ARID1B: variants seen among roughly 807,000 people sequenced by gnomAD.
ARID1B encodes the protein AT-rich interaction domain 1B, also known as AT-rich interactive domain-containing protein 1B.
Under a neutral mutation model 212.3 loss-of-function variants are expected in ARID1B, and 30 were observed. The observed-to-expected ratio is 0.14, with a 90% CI of 0.11 to 0.19. The LOEUF is 0.19. Among genes scored for constraint, ARID1B ranks in the 10% least tolerant of loss-of-function variants. ARID1B has a pLI of 1.00. For missense variants in ARID1B, 2,891 were observed against 3,204.0 expected (o/e 0.90, Z 2.36); for synonymous variants, 1,402 against 1,301.7 (o/e 1.08, Z -1.66).
intron 4 of ARID1B, among the ~76,000 whole-genome samples, chr6:157,039,706 C>CTTCCT (rs1781673352): frequency 1.6e-5 from 1 of 61,482 alleles, no homozygotes; most frequent in Non-Finnish European, 2.7e-5. Flanking sequence ...TCTTTCTTTC[C>CTTCCT]TTTCTTTCCT....
At chr6:156,926,451 T>C (rs1201060467) in intron 3 of ARID1B, among the ~76,000 whole-genome samples, 3 of 152,104 alleles carry the variant, frequency 2.0e-5, no homozygotes, top group Non-Finnish European at 4.4e-5. Context: ...GGAGGCATAG[T>C]TTTTCAGATG....
chr6:157,199,444 C>A (rs1793951644), intron 17 of ARID1B, among the ~76,000 whole-genome samples: 2 of 152,000 alleles, frequency 1.3e-5, no homozygotes, highest in Non-Finnish European at 2.9e-5. Flanking sequence ...GCAGGATCTC[C>A]CCCTTACAGT....
intron 2 of ARID1B, among the ~76,000 whole-genome samples, chr6:156,858,551 A>G (rs537568278): frequency 1.3e-5 from 2 of 152,240 alleles, no homozygotes; most frequent in South Asian, 4.1e-4. Flanking sequence ...AGATCACTTG[A>G]GGTCAGGAGT....
At chr6:157,118,146 T>G (rs1379844328) in intron 6 of ARID1B, among the ~76,000 whole-genome samples, 1 of 152,246 alleles carries the variant, frequency 6.6e-6, no homozygotes, top group Non-Finnish European at 1.5e-5. Flanking sequence ...TTGACCTAAT[T>G]CCTTAATATT....
At chr6:156,791,237 A>C (rs1779987298) in intron 1 of ARID1B, among the ~76,000 whole-genome samples, 1 of 152,256 alleles carries the variant, frequency 6.6e-6, no homozygotes, top group African/African-American at 2.4e-5. Flanking sequence ...TATTTTATGA[A>C]GAGGAAGGTG....
In ARID1B at chr6:157,148,925, G is replaced by A; in HGVS notation, c.3063G>A (p.Gln1021=). 1.9e-6 allele frequency: 3 copies of A among 1,612,434 alleles called. No individual in the cohort carries two copies. The highest frequency in any genetic ancestry group is 1.7e-6 in the Non-Finnish European group (2 of 1,179,670). Residue 1021 remains glutamine (Q), a synonymous_variant, in exon 8 of 20, where the codon CAG becomes CAA. Coordinates refer to ENST00000636930, the MANE Select transcript of ARID1B (RefSeq NM_001374828.1). The surrounding 1 kb of genome is among the most constrained non-coding windows in gnomAD (Gnocchi z 5.6). ...AGGAGGCAGCCGCAGCAGTGATGCA[G>A]GCTGCTGCGAACTCAGCACAAAGCA... is the stretch of plus-strand genomic sequence containing the variant. The part of the protein sequence containing the change: ...KAQEAAAAVM[Q]AAANSAQSRQ...
intron 4 of ARID1B, among the ~76,000 whole-genome samples, chr6:156,973,173 A>C (rs1777034394): frequency 6.6e-6 from 1 of 152,256 alleles, no homozygotes; most frequent in South Asian, 2.1e-4. Flanking sequence ...TAATTAAGGG[A>C]CTGAATTGTA....
intron 8 of ARID1B, among the ~76,000 whole-genome samples, chr6:157,164,428 CT>C (rs1328497765): frequency 1.3e-5 from 2 of 152,152 alleles, no homozygotes; most frequent in Admixed American, 6.5e-5. Flanking sequence ...AGTCATTTGC[CT>C]GGTGGATTTT....
Position 157,206,426 on chromosome 6 carries a change from G to T in ARID1B, c.5654G>T (p.Ser1885Ile). 6.2e-7 allele frequency: 1 copy of T among 1,614,176 alleles called. No homozygotes were observed. Among genetic ancestry groups the T allele is most frequent in the Non-Finnish European group, 8.5e-7 (1 of 1,180,028 alleles). The change falls in exon 20 of 20, where the codon AGC becomes ATC. Residue 1885 changes from serine (S) to isoleucine (I), a missense_variant. By Grantham distance (142) the Ser-to-Ile change is moderately radical. This residue lies in a region of ARID1B where 332 missense variants were observed against 369.2 expected (regional missense o/e 0.90). Coordinates refer to ENST00000636930, the MANE Select transcript of ARID1B (RefSeq NM_001374828.1). The surrounding 1 kb of genome is among the most constrained non-coding windows in gnomAD (Gnocchi z 6.8). ...SEKTESDEKS[S>I]IALTAPDAAA... ...AAGACAGAAAGCGATGAAAAGAGCA[G>T]CATCGCTCTGACTGCCCCGGACGCC...
chr6:156,979,577 G>A (rs1410110070), intron 4 of ARID1B, among the ~76,000 whole-genome samples: 1 of 130,022 alleles, frequency 7.7e-6, no homozygotes, highest in Non-Finnish European at 1.6e-5. Context: ...TTTTTTTTTT[G>A]AGACAAAGTC....
intron 4 of ARID1B, among the ~76,000 whole-genome samples, chr6:157,082,667 C>T (rs1479763023): frequency 2.6e-5 from 4 of 152,312 alleles, no homozygotes; most frequent in South Asian, 4.1e-4. Flanking sequence ...CCTCCTGCCT[C>T]AGCTTCCCGA....
intron 2 of ARID1B, among the ~76,000 whole-genome samples, chr6:156,895,851 C>A (rs1788343992): frequency 6.6e-6 from 1 of 152,128 alleles, no homozygotes; most frequent in Admixed American, 6.5e-5. Context: ...TGGCTGAAGC[C>A]ACGCCCCATA....
intron 3 of ARID1B, among the ~76,000 whole-genome samples, chr6:156,912,949 G>A (rs76088208): frequency 0.01 from 1,584 of 151,112 alleles, 27 homozygotes; most frequent in African/African-American, 0.036. Flanking sequence ...CCCATTTGCT[G>A]GTATCCCTTG....
intron 8 of ARID1B, among the ~76,000 whole-genome samples, chr6:157,159,994 A>G (rs1163435286): frequency 6.6e-6 from 1 of 152,218 alleles, no homozygotes; most frequent in Non-Finnish European, 1.5e-5. Flanking sequence ...TCAGCTACCA[A>G]AGGTTTTGGG....
intron 4 of ARID1B, among the ~76,000 whole-genome samples, chr6:157,014,428 C>T (rs1322871795): frequency 1.3e-5 from 2 of 152,126 alleles, no homozygotes; most frequent in African/African-American, 4.8e-5. Context: ...ATCCTGATTG[C>T]TACAGTTAGG....
At position 156,965,007 on chromosome 6, in the gene ARID1B, T is replaced by A. The variant is rs561381657; in HGVS notation, c.2247+29431T>A. 1.1e-4 allele frequency among the ~76,000 whole-genome samples: 16 copies of A among 152,358 alleles called. No individual in the cohort carries two copies. In the South Asian group the frequency reaches 2.5e-3, roughly 24 times the overall value. Reference sequence around the variant, plus strand: ...AGGTTAGCTTTTCAATTGTAAGACTTAATTACCTTTCAAATGAATATTTCA... The same window carrying A: ...AGGTTAGCTTTTCAATTGTAAGACTAAATTACCTTTCAAATGAATATTTCA... On this transcript the variant is annotated intron_variant, in intron 4 of 19. Coordinates refer to ENST00000636930, the MANE Select transcript of ARID1B (RefSeq NM_001374828.1).
intron 2 of ARID1B, among the ~76,000 whole-genome samples, chr6:156,863,815 C>G (rs1190013885): frequency 6.6e-6 from 1 of 152,154 alleles, no homozygotes; most frequent in Non-Finnish European, 1.5e-5. Context: ...CTGTATGATG[C>G]TGCACACAGC....
intron 4 of ARID1B, among the ~76,000 whole-genome samples, chr6:157,079,974 G>A (rs542186222): frequency 1.3e-5 from 2 of 152,146 alleles, no homozygotes; most frequent in African/African-American, 4.8e-5. Context: ...CTGAACTGGC[G>A]TTTTAACCTG....
intron 5 of ARID1B, among the ~76,000 whole-genome samples, chr6:157,086,463 A>G (rs1447436478): frequency 2.0e-5 from 3 of 152,216 alleles, no homozygotes; most frequent in Admixed American, 2.0e-4. Context: ...AATGTTGGAA[A>G]GTTATATGTA....
Sources: allele counts gnomAD v4.1 joint callset (sites outside exome capture counted in the v4.1 genomes callset), GRCh38; gene constraint gnomAD v4.1.1; regional missense constraint gnomAD v4.1.1; non-coding constraint Gnocchi (gnomAD v3.1); transcripts MANE v1.5; gene names NCBI Gene and HGNC (gene_info 2026-07-23, HGNC 2026-07-21).